PFN1: variants seen among roughly 807,000 people sequenced by gnomAD.
PFN1 encodes profilin 1.
A neutral mutation model predicts 11.7 loss-of-function variants in PFN1; 2 were observed. The ratio of observed to expected loss-of-function variants is 0.17; its 90% CI spans 0.07 to 0.54. The LOEUF is 0.54. Among genes scored for constraint, PFN1 ranks in the 20% least tolerant of loss-of-function variants. The probability of loss-of-function intolerance (pLI) is 0.94; values close to 1 mark genes in which losing one functional copy is unlikely to be tolerated. For synonymous variants in PFN1, 78 were observed against 76.2 expected (o/e 1.02, Z -0.12); for missense variants, 97 against 188.4 (o/e 0.51, Z 2.84).
chr17:4,946,337 T>G (rs927637133), intron 2 of PFN1, among the ~76,000 whole-genome samples: 3 of 152,158 alleles, frequency 2.0e-5, no homozygotes, highest in Non-Finnish European at 2.9e-5. Flanking sequence ...ACTCGATGAT[T>G]CAAGACCCCA....
At chr17:4,948,079 G>C in intron 1 of PFN1, 184 bp downstream of exon 1, 1 of 571,874 alleles carries the variant, frequency 1.7e-6, no homozygotes, top group East Asian at 3.5e-5. Flanking sequence ...CGCCGCCTGG[G>C]GCATAGGACC....
intron 1 of PFN1, 160 bp from the exon 2 acceptor site, chr17:4,946,980 C>CT: frequency 7.7e-6 from 4 of 520,678 alleles, no homozygotes; most frequent in Non-Finnish European, 6.6e-6. Flanking sequence ...GTGAGAAACT[C>CT]TGAGGACTGT....
chr17:4,946,538 G>T, intron 2 of PFN1, 90 bp downstream of exon 2: 1 of 984,656 alleles, frequency 1.0e-6, no homozygotes. Flanking sequence ...TCATGTTGGG[G>T]AATCACACAA....
intron 1 of PFN1, among the ~76,000 whole-genome samples, chr17:4,947,741 G>A (rs1035943870): frequency 1.3e-5 from 2 of 152,116 alleles, no homozygotes; most frequent in Non-Finnish European, 2.9e-5. Context: ...GGCGTGTGGT[G>A]GCCTCGCCCT....
chr17:4,946,737 C>T lies in PFN1; in HGVS notation c.216G>A (p.Ser72=), dbSNP rs760956250. The T allele has an allele frequency of 6.8e-6, 11 of 1,613,982 alleles. No homozygotes were observed. The highest frequency in any genetic ancestry group is 8.5e-6 in the Non-Finnish European group (10 of 1,180,008). The change falls in exon 2 of 3, where the codon TCG becomes TCA. Residue 72 remains serine (S), a synonymous_variant. Coordinates refer to ENST00000225655, the MANE Select transcript of PFN1 (RefSeq NM_005022.4). Reference sequence around the variant, plus strand: ...CCTGCAGCAGTGAGTCCCGGATCACCGAACATTTCTGGCCCCCAAGTGTCA... The same window carrying T: ...CCTGCAGCAGTGAGTCCCGGATCACTGAACATTTCTGGCCCCCAAGTGTCA... ...NGLTLGGQKC[S]VIRDSLLQDG... is the part of the protein sequence containing the mutation.
At chr17:4,946,991 G>A (rs955538641) in intron 1 of PFN1, 171 bp from the exon 2 acceptor site, 3 of 496,210 alleles carry the variant, frequency 6.0e-6, no homozygotes, top group African/African-American at 2.0e-5. Flanking sequence ...TGAGGACTGT[G>A]GGACGTTAGT....
intron 1 of PFN1, among the ~76,000 whole-genome samples, chr17:4,947,799 G>A (rs1971437395): frequency 1.3e-5 from 2 of 152,250 alleles, no homozygotes; most frequent in Non-Finnish European, 2.9e-5. Flanking sequence ...GGTGGGCAAG[G>A]GACCAAGACC....
At position 4,948,525 on chromosome 17, in the gene PFN1, C is replaced by G. The variant is rs1464476391; in HGVS notation, c.-131G>C. 2.0e-6 allele frequency: 2 copies of G among 1,022,610 alleles called. No homozygotes were observed. Among genetic ancestry groups the G allele is most frequent in the Non-Finnish European group, 2.7e-6 (2 of 751,200 alleles). The allele number at this position is 1,022,610 out of a possible 1,614,324, so 63.3% of individuals were successfully genotyped here. A position where few individuals can be genotyped will look rare whatever the true frequency, so the allele number is the denominator to read the frequency against. Reference sequence around the variant, plus strand: ...CTGCCGTCCGGACCGCGGCTCCGCTCGCTGTGCAGCAGCCCTCGCACCGCC... The same window carrying G: ...CTGCCGTCCGGACCGCGGCTCCGCTGGCTGTGCAGCAGCCCTCGCACCGCC... On this transcript the variant is annotated 5_prime_UTR_variant, in exon 1 of 3. Coordinates refer to ENST00000225655, the MANE Select transcript of PFN1 (RefSeq NM_005022.4).
Position 4,945,730 on chromosome 17 carries a change from T to G in PFN1, c.*170A>C. 1 of 518,156 alleles carries G rather than the reference T, an allele frequency of 1.9e-6. No homozygotes were observed. The highest frequency in any genetic ancestry group is 3.1e-5 in the East Asian group (1 of 32,040). 32.1% of individuals were successfully genotyped at this position (518,156 alleles called of 1,614,324 possible). On this transcript the variant is annotated 3_prime_UTR_variant, in exon 3 of 3. Transcript: ENST00000225655. ...TTTCCAACCACACACGGGAGGGATA[T>G]GGGTAGGGGGAGGTGTCTGTCCATC...
rs1190787602 is a variant in PFN1 at position 4,948,054 on chromosome 17, G to C, written c.132+209C>G. ...GCCCCGTCGCGGAAAGCGGGGTAGCGGGCGGGATGGGCGCCGCCGCCTGGG... is the reference window on the plus strand; with the variant it reads ...GCCCCGTCGCGGAAAGCGGGGTAGCCGGCGGGATGGGCGCCGCCGCCTGGG... On this transcript the variant is annotated intron_variant, in intron 1 of 2. Coordinates refer to ENST00000225655, the MANE Select transcript of PFN1 (RefSeq NM_005022.4). 2 of 485,082 alleles carry C rather than the reference G, an allele frequency of 4.1e-6. 1 individual carries two copies. Among genetic ancestry groups the C allele is most frequent in the South Asian group, 7.1e-5 (2 of 28,206 alleles). 30.0% of individuals were successfully genotyped at this position (485,082 alleles called of 1,614,324 possible). A position where few individuals can be genotyped will look rare whatever the true frequency, so the allele number is the denominator to read the frequency against.
chr17:4,946,016 G>C lies in PFN1; in HGVS notation c.326-19C>G, dbSNP rs768368624. The C allele has an allele frequency of 1.3e-6, 2 of 1,571,948 alleles. No individual in the cohort carries two copies. The highest frequency in any genetic ancestry group is 2.2e-5 in the East Asian group (1 of 44,592). ...ACTAGCGCTGGAGGAGGAGGAAAGA[G>C]AAAGGAGGCTAGGATCCAGGTGTCA... is the stretch of plus-strand genomic sequence containing the variant. On this transcript the variant is annotated intron_variant, in intron 2 of 2. Coordinates refer to ENST00000225655, the MANE Select transcript of PFN1 (RefSeq NM_005022.4).
chr17:4,947,472 A>C (rs1971426477), intron 1 of PFN1: 2 of 32,228 alleles, frequency 6.2e-5, no homozygotes, highest in East Asian at 7.6e-4. Context: ...AAGCCCCCAC[A>C]TCCGGTCCCC....
In PFN1 at chr17:4,948,342, T is replaced by C; in HGVS notation, c.53A>G (p.Gln18Arg). 6.2e-7 allele frequency: 1 copy of C among 1,610,908 alleles called. No individual in the cohort carries two copies. Among genetic ancestry groups the C allele is most frequent in the Non-Finnish European group, 8.5e-7 (1 of 1,179,150 alleles). ...IDNLMADGTC[Q>R]DAAIVGYKDS... is the part of the protein sequence containing the mutation. ...CTTGTAGCCCACGATGGCCGCGTCC[T>C]GACAGGTCCCGTCCGCCATGAGGTT... is the stretch of plus-strand genomic sequence containing the variant. The change falls in exon 1 of 3, where the codon CAG becomes CGG. Residue 18 changes from glutamine (Q) to arginine (R), a missense_variant. Gln to Arg is a conservative substitution (Grantham distance 43). Coordinates refer to ENST00000225655, the MANE Select transcript of PFN1 (RefSeq NM_005022.4).
chr17:4,946,047 C>A, intron 2 of PFN1, 50 bp from the exon 3 acceptor site: 1 of 1,342,886 alleles, frequency 7.4e-7, no homozygotes, highest in Non-Finnish European at 1.1e-6. Flanking sequence ...TGTCACAATT[C>A]CACCCCCTGC....
At position 4,947,709 on chromosome 17, in the gene PFN1, A is replaced by C. The variant is rs537482317; in HGVS notation, c.132+554T>G. On this transcript the variant is annotated intron_variant, in intron 1 of 2. Transcript: ENST00000225655. ...GGGATTGGCCTCGCAGGAATGTTGA[A>C]TCCAACGTGCTGAGCTGGGGGGGCG... 3.2e-4 allele frequency among the ~76,000 whole-genome samples: 48 copies of C among 152,098 alleles called. 1 individual carries two copies. Among genetic ancestry groups the C allele is most frequent in the African/African-American group, 1.1e-3 (46 of 41,532 alleles).
In PFN1 at chr17:4,948,292, C is replaced by T; in HGVS notation, c.103G>A (p.Val35Ile). Residue 35 changes from valine to isoleucine, a missense_variant, in exon 1 of 3, where the codon GTC becomes ATC. Transcript: ENST00000225655. Reference protein sequence around the residue: ...YKDSPSVWAAVPGKTFVNITP... With the variant: ...YKDSPSVWAAIPGKTFVNITP... ...ATGTTGACGAACGTTTTCCCGGGGA[C>T]GGCGGCCCAGACGGAGGGCGAGTCC... 6.2e-7 allele frequency: 1 copy of T among 1,609,366 alleles called. No homozygotes were observed. The highest frequency in any genetic ancestry group is 8.5e-7 in the Non-Finnish European group (1 of 1,178,518).
intron 1 of PFN1, among the ~76,000 whole-genome samples, chr17:4,947,725 T>TGG (rs16954289): frequency 6.6e-6 from 1 of 151,944 alleles, no homozygotes; most frequent in South Asian, 2.1e-4. Context: ...CGTGCTGAGC[T>TGG]GGGGGGGCGT....
At chr17:4,947,721 G>A (rs943699474) in intron 1 of PFN1, among the ~76,000 whole-genome samples, 4 of 151,272 alleles carry the variant, frequency 2.6e-5, no homozygotes, top group Non-Finnish European at 5.9e-5. Context: ...CCAACGTGCT[G>A]AGCTGGGGGG....
rs146306590 is a variant in PFN1, at chr17:4,948,286, C to T, written c.109G>A (p.Gly37Arg). 6 of 1,609,384 alleles carry T rather than the reference C, an allele frequency of 3.7e-6. No homozygotes were observed. The highest frequency in any genetic ancestry group is 5.1e-6 in the Non-Finnish European group (6 of 1,178,476). ...ACCGTGATGTTGACGAACGTTTTCC[C>T]GGGGACGGCGGCCCAGACGGAGGGC... ...DSPSVWAAVP[G>R]KTFVNITPAE... is the part of the protein sequence containing the mutation. Residue 37 changes from glycine (G) to arginine (R), a missense_variant, in exon 1 of 3, where the codon GGG becomes AGG. By Grantham distance (125) the Gly-to-Arg change is moderately radical. Coordinates refer to ENST00000225655, the MANE Select transcript of PFN1 (RefSeq NM_005022.4).
Sources: gnomAD v4.1 joint callset for allele counts (sites outside exome capture counted in the v4.1 genomes callset) on GRCh38, gnomAD v4.1.1 for gene constraint, MANE v1.5 for transcripts, NCBI Gene and HGNC (gene_info 2026-07-23, HGNC 2026-07-21) for gene names.